The following RAD51B variants were observed in gnomAD, a reference collection of about 807,000 sequenced individuals.
The protein encoded by RAD51B is DNA repair protein RAD51 homolog 2.
Under a neutral mutation model 42.2 loss-of-function variants are expected in RAD51B, and 38 were observed. The observed-to-expected ratio is 0.90, with a 90% CI of 0.70 to 1.18. RAD51B has a LOEUF of 1.18. Ranked by LOEUF, RAD51B falls within the 50% of genes most tolerant of loss-of-function variation. The probability of loss-of-function intolerance (pLI) is 0.00; values close to 1 mark genes in which losing one functional copy is unlikely to be tolerated. For missense variants in RAD51B, 373 were observed against 400.7 expected (o/e 0.93, Z 0.59); for synonymous variants, 154 against 145.2 (o/e 1.06, Z -0.43).
At chr14:68,276,297 C>T (rs1295982545) in intron 7 of RAD51B, among the ~76,000 whole-genome samples, 1 of 152,166 alleles carries the variant, frequency 6.6e-6, no homozygotes, top group Non-Finnish European at 1.5e-5. Context: ...TCAAATGACT[C>T]CTCCCCTGAG....
chr14:67,855,042 T>A (rs1003056150), intron 4 of RAD51B, among the ~76,000 whole-genome samples: 10 of 152,192 alleles, frequency 6.6e-5, no homozygotes, highest in African/African-American at 2.2e-4. Context: ...ATGTAATATC[T>A]GCATAGTTAT....
intron 7 of RAD51B, among the ~76,000 whole-genome samples, chr14:68,224,150 G>A (rs1489907976): frequency 2.0e-5 from 3 of 152,134 alleles, no homozygotes; most frequent in Non-Finnish European, 2.9e-5. Context: ...TTTGTTTTCC[G>A]GATCTTTTAT....
chr14:68,087,949 ATATAATTATATAAT>A (rs2077019695), intron 7 of RAD51B, among the ~76,000 whole-genome samples: 2 of 114,154 alleles, frequency 1.8e-5, no homozygotes, highest in Non-Finnish European at 3.2e-5. Flanking sequence ...TTATTATTAT[ATATAATTATATAAT>A]TTATTATTAT....
intron 10 of RAD51B, among the ~76,000 whole-genome samples, chr14:68,502,902 C>T (rs1885024947): frequency 6.6e-6 from 1 of 152,088 alleles, no homozygotes; most frequent in Non-Finnish European, 1.5e-5. Flanking sequence ...TGCCAGGGAA[C>T]ATTCTAGGGG....
At chr14:68,172,607 A>G (rs559498723) in intron 7 of RAD51B, among the ~76,000 whole-genome samples, 3 of 152,282 alleles carry the variant, frequency 2.0e-5, no homozygotes, top group African/African-American at 7.2e-5. Context: ...GAATTTCTAT[A>G]TATTTAGATT....
intron 10 of RAD51B, among the ~76,000 whole-genome samples, chr14:68,575,549 C>A (rs1466780506): frequency 4.6e-5 from 7 of 152,166 alleles, no homozygotes; most frequent in Non-Finnish European, 7.3e-5. Context: ...CAGAGCCTTG[C>A]GGCATGGTAG....
intron 9 of RAD51B, among the ~76,000 whole-genome samples, chr14:68,445,093 T>A (rs1289484431): frequency 6.6e-6 from 1 of 152,110 alleles, no homozygotes; most frequent in Non-Finnish European, 1.5e-5. Flanking sequence ...AGACCTTCAT[T>A]ATGGAACCCA....
intron 1 of RAD51B, among the ~76,000 whole-genome samples, chr14:67,821,512 C>CAGTG (rs1298197780): frequency 6.6e-6 from 1 of 152,232 alleles, no homozygotes; most frequent in African/African-American, 2.4e-5. Flanking sequence ...GGCTAGAGTG[C>CAGTG]AGTGGCATGA....
intron 9 of RAD51B, among the ~76,000 whole-genome samples, chr14:68,422,946 G>A (rs1426559000): frequency 2.0e-5 from 3 of 152,118 alleles, no homozygotes; most frequent in African/African-American, 7.2e-5. Flanking sequence ...AATGCTTGAA[G>A]CCGAGGTTTT....
chr14:68,610,888 A>C (rs1269598138), intron 10 of RAD51B: 6 of 459,342 alleles, frequency 1.3e-5, no homozygotes, highest in Non-Finnish European at 3.8e-6. Flanking sequence ...TGTGTGTGTC[A>C]TCTCCCTAGT....
chr14:68,614,935 T>C (rs1255041265), downstream of RAD51B, among the ~76,000 whole-genome samples: 1 of 152,202 alleles, frequency 6.6e-6, no homozygotes, highest in East Asian at 1.9e-4. Context: ...TGCACTGGCA[T>C]GATCTCAGCT....
rs771823955 is a variant in RAD51B, at chr14:67,943,129, T to A, written c.756+55925T>A. ...AAGTAGTAAAACTTATTTTCTTTTATTGCTTTCAAAAGTGATTCTAAAGGA... is the reference window on the plus strand; with the variant it reads ...AAGTAGTAAAACTTATTTTCTTTTAATGCTTTCAAAAGTGATTCTAAAGGA... On this transcript the variant is annotated intron_variant, in intron 7 of 10. Coordinates refer to ENST00000471583, the MANE Select transcript of RAD51B (RefSeq NM_133510.4). Among the ~76,000 whole-genome samples the A allele has an allele frequency of 3.2e-4, 48 of 152,100 alleles. No homozygotes were observed. The Middle Eastern group carries it at 0.01, about 32-fold the overall frequency.
intron 10 of RAD51B, among the ~76,000 whole-genome samples, chr14:68,566,930 T>A (rs1889450874): frequency 6.6e-6 from 1 of 152,216 alleles, no homozygotes; most frequent in Non-Finnish European, 1.5e-5. Context: ...GCTTTCCCTG[T>A]GTATTTTGCT....
At chr14:68,596,153 C>A, downstream of RAD51B, 1 of 469,626 alleles carries the variant, frequency 2.1e-6, no homozygotes, top group Non-Finnish European at 2.8e-6. Flanking sequence ...GCAAGAGGCA[C>A]AGAATATCTG....
intron 5 of RAD51B, among the ~76,000 whole-genome samples, chr14:67,876,959 T>C (rs1051810158): frequency 6.6e-6 from 1 of 152,182 alleles, no homozygotes; most frequent in African/African-American, 2.4e-5. Context: ...AGTATAAAGG[T>C]AGCTTTTCTG....
intron 10 of RAD51B, among the ~76,000 whole-genome samples, chr14:68,544,081 A>G (rs1888101247): frequency 6.6e-6 from 1 of 152,244 alleles, no homozygotes. Flanking sequence ...CATAAGATAC[A>G]TAAATCTCAA....
intron 7 of RAD51B, among the ~76,000 whole-genome samples, chr14:68,029,093 G>T (rs2076000985): frequency 6.6e-6 from 1 of 152,232 alleles, no homozygotes; most frequent in Non-Finnish European, 1.5e-5. Context: ...TCAGGGCTGG[G>T]AAGTAGCCCT....
intron 7 of RAD51B, among the ~76,000 whole-genome samples, chr14:68,126,163 T>C (rs1343011602): frequency 6.6e-6 from 1 of 152,224 alleles, no homozygotes; most frequent in Non-Finnish European, 1.5e-5. Flanking sequence ...TACCTTTTTT[T>C]GTGCTAATAA....
At position 68,509,662 on chromosome 14, in the gene RAD51B, T is replaced by G. The variant is rs569663134; in HGVS notation, c.1036+41412T>G. On this transcript the variant is annotated intron_variant, in intron 10 of 10. Transcript: ENST00000487270. ...CAGGCTTGTAAGTGGAATTCTTGCCTAGCGAGATCTAGGATAGTTCTCTAG... is the reference window on the plus strand; with the variant it reads ...CAGGCTTGTAAGTGGAATTCTTGCCGAGCGAGATCTAGGATAGTTCTCTAG... 4.6e-5 allele frequency among the ~76,000 whole-genome samples: 7 copies of G among 152,370 alleles called. No individual in the cohort carries two copies. In the East Asian group the frequency reaches 1.3e-3, roughly 29 times the overall value.
Sources: gnomAD v4.1 joint callset for allele counts (sites outside exome capture counted in the v4.1 genomes callset) on GRCh38, gnomAD v4.1.1 for gene constraint, MANE v1.5 for transcripts, NCBI Gene and HGNC (gene_info 2026-07-23, HGNC 2026-07-21) for gene names.